Variants in ADGRG4 observed in about 807,000 individuals in gnomAD.
The protein encoded by ADGRG4 is adhesion G protein-coupled receptor G4.
A neutral mutation model predicts 126.2 loss-of-function variants in ADGRG4; 122 were observed. That is an observed-to-expected ratio of 0.97 (90% CI 0.83 to 1.12). The LOEUF (loss-of-function observed/expected upper bound fraction) is 1.12, where lower values mean the gene tolerates loss of function less well. ADGRG4 is among the 50% of genes most tolerant of loss of function. The pLI, the probability that ADGRG4 is intolerant of heterozygous loss-of-function variation, is 0.00. For missense variants in ADGRG4, 2,481 were observed against 2,251.8 expected (o/e 1.10, Z -2.06); for synonymous variants, 943 against 838.7 (o/e 1.12, Z -2.15).
At chrX:136,381,558 T>C (rs1342174961) in intron 15 of ADGRG4, among the ~76,000 whole-genome samples, 1 of 111,894 alleles carries the variant, frequency 8.9e-6, no homozygotes, top group Non-Finnish European at 1.9e-5. Flanking sequence ...TGATTTCTTG[T>C]TTATTTCATT....
rs779142034 is a variant in ADGRG4 at position 136,348,056 on chromosome X, A to T, written c.4350A>T (p.Ser1450=). ...HSLRTQPEVT[S]VASFISESTQ... is the part of the protein sequence containing the mutation. Reference sequence around the variant, plus strand: ...TTAGGACACAACCTGAGGTGACTTCAGTTGCCTCTTTCATTTCTGAAAGCA... The same window carrying T: ...TTAGGACACAACCTGAGGTGACTTCTGTTGCCTCTTTCATTTCTGAAAGCA... Residue 1450 remains serine (S), a synonymous_variant, in exon 6 of 26, where the codon TCA becomes TCT. Coordinates refer to ENST00000394143, the MANE Select transcript of ADGRG4 (RefSeq NM_153834.4). 5.8e-6 allele frequency: 7 copies of T among 1,209,375 alleles called. No individual in the cohort carries two copies. The highest frequency in any genetic ancestry group is 7.8e-6 in the Non-Finnish European group (7 of 893,353).
intron 22 of ADGRG4, among the ~76,000 whole-genome samples, chrX:136,404,669 T>C (rs2075395666): frequency 8.9e-6 from 1 of 112,073 alleles, no homozygotes; most frequent in South Asian, 3.7e-4. Context: ...CCTTGGTCTT[T>C]CCACTTAACA....
At chrX:136,329,040 C>T (rs1407183454) in intron 5 of ADGRG4, among the ~76,000 whole-genome samples, 1 of 110,678 alleles carries the variant, frequency 9.0e-6, no homozygotes, top group African/African-American at 3.3e-5. Flanking sequence ...GCAGACACCA[C>T]TTTGAAAAAA....
intron 22 of ADGRG4, among the ~76,000 whole-genome samples, chrX:136,405,400 C>T (rs943630930): frequency 4.5e-5 from 5 of 111,251 alleles, no homozygotes; most frequent in East Asian, 2.8e-4. Flanking sequence ...CTGCTGTTAA[C>T]GAAGAGAACC....
chrX:136,351,090 G>T (rs183253903), intron 6 of ADGRG4, among the ~76,000 whole-genome samples: 1 of 111,958 alleles, frequency 8.9e-6, no homozygotes, highest in East Asian at 2.8e-4. Context: ...GAAAAAAACA[G>T]TTACTTTCTC....
intron 1 of ADGRG4, 109 bp from the exon 2 acceptor site, chrX:136,304,024 C>T (rs754018601): frequency 1.2e-4 from 13 of 111,236 alleles, no homozygotes; most frequent in Non-Finnish European, 2.5e-4. Context: ...CATAACATCC[C>T]GTGATAGCCT....
intron 24 of ADGRG4, 64 bp downstream of exon 24, chrX:136,412,430 T>G (rs1041144671): frequency 1.4e-6 from 1 of 705,730 alleles, no homozygotes; most frequent in African/African-American, 2.1e-5. Context: ...TCAGATTAAT[T>G]TGTCTCCTAA....
At chrX:136,351,566 TG>T (rs1603295545) in intron 7 of ADGRG4, 25 bp downstream of exon 7, 1 of 749,488 alleles carries the variant, frequency 1.3e-6, no homozygotes. Flanking sequence ...TGCATATTTA[TG>T]GCATATATAA....
intron 4 of ADGRG4, among the ~76,000 whole-genome samples, chrX:136,312,581 G>C (rs1186475853): frequency 4.5e-5 from 5 of 111,612 alleles, no homozygotes; most frequent in Non-Finnish European, 9.4e-5. Context: ...AGTTAAGATC[G>C]CGTCATTGCA....
chrX:136,408,223 A>T (rs185624460), intron 23 of ADGRG4, among the ~76,000 whole-genome samples: 205 of 112,267 alleles, frequency 1.8e-3, no homozygotes, highest in Admixed American at 4.7e-3. Context: ...TTTCTTTTCA[A>T]CATTTATTTC....
At chrX:136,412,451 T>A in intron 24 of ADGRG4, 85 bp downstream of exon 24, 1 of 592,778 alleles carries the variant, frequency 1.7e-6, no homozygotes, top group Non-Finnish European at 2.9e-6. Flanking sequence ...CTTGAGTACT[T>A]ACAGCATATC....
chrX:136,377,339 C>T (rs924028670), intron 15 of ADGRG4, among the ~76,000 whole-genome samples: 9 of 108,046 alleles, frequency 8.3e-5, no homozygotes, highest in African/African-American at 1.0e-4. Context: ...GCCACAGGCA[C>T]GCACCACCAT....
At chrX:136,363,763 A>G (rs867133613) in intron 13 of ADGRG4, among the ~76,000 whole-genome samples, 168 bp downstream of exon 13, 32 of 111,414 alleles carry the variant, frequency 2.9e-4, no homozygotes, top group African/African-American at 1.0e-3. Context: ...GTGGTGGGAC[A>G]TGAGATGTTA....
At position 136,405,773 on chromosome X, in the gene ADGRG4, G is replaced by A; in HGVS notation, c.8736G>A (p.Met2912Ile). ...FCLIFLMNLS[M>I]FCTVLVQLNS... ...TCATATTTCTCATGAATCTCTCCATGTTCTGCACTGTTCTTGTTCAACTGA... is the reference window on the plus strand; with the variant it reads ...TCATATTTCTCATGAATCTCTCCATATTCTGCACTGTTCTTGTTCAACTGA... Residue 2912 changes from methionine (M) to isoleucine (I), a missense_variant, in exon 23 of 26, where the codon ATG (methionine) becomes ATA (isoleucine). Coordinates refer to ENST00000394143, the MANE Select transcript of ADGRG4 (RefSeq NM_153834.4). 1 of 1,206,861 alleles carries A rather than the reference G, an allele frequency of 8.3e-7. No homozygotes were observed. Among genetic ancestry groups the A allele is most frequent in the African/African-American group, 1.7e-5 (1 of 57,527 alleles).
chrX:136,373,772 C>G (rs926787191), intron 15 of ADGRG4, among the ~76,000 whole-genome samples: 7 of 110,057 alleles, frequency 6.4e-5, no homozygotes, highest in African/African-American at 2.3e-4. Context: ...TGAGACCAGC[C>G]TGGGCAATAT....
chrX:136,402,355 C>T (rs1308931877), intron 21 of ADGRG4, among the ~76,000 whole-genome samples: 2 of 111,070 alleles, frequency 1.8e-5, no homozygotes, highest in Non-Finnish European at 3.8e-5. Flanking sequence ...AAATATGAGG[C>T]CTTCCCCTGT....
At position 136,349,651 on chromosome X, in the gene ADGRG4, T is replaced by C. The variant is rs1251405284; in HGVS notation, c.5945T>C (p.Val1982Ala). The C allele has an allele frequency of 6.6e-6, 8 of 1,208,278 alleles. No individual in the cohort carries two copies. The African/African-American group carries it at 1.4e-4, about 21-fold the overall frequency. ...ACATTTGAGAAAATGACCACATCTGTAACTCCTGGGACCACACTCCCATCA... is the reference window on the plus strand; with the variant it reads ...ACATTTGAGAAAATGACCACATCTGCAACTCCTGGGACCACACTCCCATCA... The part of the protein sequence containing the change: ...KHTFEKMTTS[V>A]TPGTTLPSIL... Residue 1982 changes from valine (V) to alanine (A), a missense_variant, in exon 6 of 26, where the codon GTA becomes GCA. Transcript: ENST00000394143.
At chrX:136,367,150 C>T (rs990442581) in intron 13 of ADGRG4, among the ~76,000 whole-genome samples, 4 of 112,059 alleles carry the variant, frequency 3.6e-5, no homozygotes, top group Non-Finnish European at 5.6e-5. Context: ...ATGGGTCCCT[C>T]CCATAGTGAA....
At position 136,344,492 on chromosome X, in the gene ADGRG4, T is replaced by G; in HGVS notation, c.786T>G (p.Asn262Lys). 8.3e-7 allele frequency: 1 copy of G among 1,204,986 alleles called. No individual in the cohort carries two copies. Among genetic ancestry groups the G allele is most frequent in the Non-Finnish European group, 1.1e-6 (1 of 889,672 alleles). ...AAATTACTGGAGTAAAACCACAAAA[T>G]ACTGCACATTCCTCTACACTATTGT... The part of the protein sequence containing the change: ...PSQITGVKPQ[N>K]TAHSSTLLSQ... The change falls in exon 6 of 26, where the codon AAT becomes AAG. Residue 262 changes from asparagine (N) to lysine (K), a missense_variant. Transcript: ENST00000394143.
Sources: allele counts gnomAD v4.1 joint callset (sites outside exome capture counted in the v4.1 genomes callset), GRCh38; gene constraint gnomAD v4.1.1; transcripts MANE v1.5; gene names NCBI Gene and HGNC (gene_info 2026-07-23, HGNC 2026-07-21).